Variants in BID observed in about 807,000 individuals in gnomAD.
The protein encoded by BID is BH3 interacting domain death agonist, also known as BH3-interacting domain death agonist.
A neutral mutation model predicts 17.4 loss-of-function variants in BID; 19 were observed. The observed-to-expected ratio is 1.09, with a 90% CI of 0.76 to 1.60. The LOEUF (loss-of-function observed/expected upper bound fraction) is 1.60, where lower values mean the gene tolerates loss of function less well. Among genes scored for constraint, BID ranks in the 40% most tolerant of loss-of-function variants. The pLI, the probability that BID is intolerant of heterozygous loss-of-function variation, is 0.00. For missense variants in BID, 226 were observed against 256.0 expected (o/e 0.88, Z 0.80); for synonymous variants, 108 against 102.8 (o/e 1.05, Z -0.31).
intron 1 of BID, among the ~76,000 whole-genome samples, chr22:17,772,367 G>A (rs1013005205): frequency 6.6e-6 from 1 of 152,230 alleles, no homozygotes; most frequent in Non-Finnish European, 1.5e-5. Context: ...TGCTCTCGGG[G>A]ACACTCCAGG....
At chr22:17,747,963 C>T (rs2061505958) in intron 2 of BID, among the ~76,000 whole-genome samples, 1 of 152,108 alleles carries the variant, frequency 6.6e-6, no homozygotes, top group Non-Finnish European at 1.5e-5. Context: ...GCAATCCCAG[C>T]ACTATGGGAG....
At position 17,773,427 on chromosome 22, in the gene BID, C is replaced by A. The variant is rs1480910893; in HGVS notation, c.-59+954G>T. The stretch of plus-strand genomic sequence containing the variant: ...GAGATGGAATGTGGAAAAACCGCAT[C>A]CTCTGCAGCTCCCCCACAGTGAGAG... On this transcript the variant is annotated intron_variant, in intron 1 of 5. Transcript: ENST00000622694. This position sits in a 1 kb window ranked among gnomAD's most constrained non-coding sequence, Gnocchi z 4.4. 6.6e-6 allele frequency among the ~76,000 whole-genome samples: 1 copy of A among 152,154 alleles called. No individual in the cohort carries two copies. The highest frequency in any genetic ancestry group is 1.9e-4 in the East Asian group (1 of 5,172).
At chr22:17,752,880 T>C (rs1274202440) in intron 1 of BID, among the ~76,000 whole-genome samples, 2 of 151,536 alleles carry the variant, frequency 1.3e-5, no homozygotes, top group Non-Finnish European at 2.9e-5. Flanking sequence ...TTAGCCAGGA[T>C]GGTCTGGATC....
Position 17,738,077 on chromosome 22 carries a change from G to A in BID, c.516C>T (p.His172=), listed in dbSNP as rs753402580. 3.1e-6 allele frequency: 5 copies of A among 1,614,082 alleles called. No individual in the cohort carries two copies. The Admixed American group carries it at 6.7e-5, about 22-fold the overall frequency. ...TCTGGTTAATAAAATTCACTGTTGT[G>A]TGAAAGACATCACGGAGCAAGGACG... The part of the protein sequence containing the change: ...HTPSLLRDVF[H]TTVNFINQNL... Residue 172 remains histidine (H), a synonymous_variant, in exon 5 of 6, where the codon CAC becomes CAT. Transcript: ENST00000622694.
intron 5 of BID, among the ~76,000 whole-genome samples, chr22:17,737,236 C>A (rs1033351262): frequency 6.6e-6 from 1 of 152,228 alleles, no homozygotes; most frequent in Non-Finnish European, 1.5e-5. Context: ...AGGCTTGAGC[C>A]ACCATGCCCA....
chr22:17,746,295 G>A (rs963641089), intron 2 of BID, among the ~76,000 whole-genome samples: 3 of 152,122 alleles, frequency 2.0e-5, no homozygotes, highest in Non-Finnish European at 4.4e-5. Context: ...CCCCACCAGT[G>A]CACAATATTC....
chr22:17,773,579 C>T lies in BID; in HGVS notation c.-59+802G>A, dbSNP rs779049116. On this transcript the variant is annotated intron_variant, in intron 1 of 5. Coordinates refer to ENST00000622694, the MANE Select transcript of BID (RefSeq NM_001196.4). The surrounding 1 kb of genome is among the most constrained non-coding windows in gnomAD (Gnocchi z 4.4). ...TGCCTGCAGGTGAAGGCCGGTCCAG[C>T]CGCAGAAGGCCCAGCCCCCAGCCCA... 1.1e-5 allele frequency: 17 copies of T among 1,611,074 alleles called. No homozygotes were observed. Among genetic ancestry groups the T allele is most frequent in the Non-Finnish European group, 1.4e-5 (17 of 1,179,348 alleles).
At position 17,769,555 on chromosome 22, in the gene BID, G is replaced by T. The variant is rs527639126; in HGVS notation, c.-59+4826C>A. Among the ~76,000 whole-genome samples the T allele has an allele frequency of 6.6e-6, 1 of 152,370 alleles. No homozygotes were observed. Among genetic ancestry groups the T allele is most frequent in the East Asian group, 1.9e-4 (1 of 5,190 alleles). On this transcript the variant is annotated intron_variant, in intron 1 of 5. Transcript: ENST00000622694. The surrounding 1 kb of genome is among the most constrained non-coding windows in gnomAD (Gnocchi z 4.8). Reference sequence around the variant, plus strand: ...CCACAGAGAAGCACCCTGAGGCTGTGCTGTCATCCAGAGTGCCACCCCGCT... The same window carrying T: ...CCACAGAGAAGCACCCTGAGGCTGTTCTGTCATCCAGAGTGCCACCCCGCT...
At chr22:17,739,905 C>A in intron 3 of BID, 1 of 700,680 alleles carries the variant, frequency 1.4e-6, no homozygotes, top group Non-Finnish European at 2.4e-6. Context: ...CCACTTTTGC[C>A]CTCTCAAGCC....
intron 1 of BID, among the ~76,000 whole-genome samples, chr22:17,761,231 G>A (rs1321122378): frequency 6.6e-6 from 1 of 152,132 alleles, no homozygotes; most frequent in Non-Finnish European, 1.5e-5. Flanking sequence ...GCAGGCTCGC[G>A]GGTGTCTGAG....
chr22:17,755,946 C>G (rs2061579651), intron 1 of BID, among the ~76,000 whole-genome samples: 1 of 152,158 alleles, frequency 6.6e-6, no homozygotes, highest in South Asian at 2.1e-4. Context: ...CGGCTCACTG[C>G]AACCTCTGCC....
intron 2 of BID, among the ~76,000 whole-genome samples, chr22:17,747,540 G>A (rs892384705): frequency 2.0e-4 from 31 of 151,850 alleles, no homozygotes; most frequent in Admixed American, 1.4e-3. Flanking sequence ...AGGCTGGTCT[G>A]GAGCTCTTGA....
In BID at chr22:17,734,482, A is replaced by ATAGCT. The variant is rs990608181; in HGVS notation, c.*1093_*1097dup. 14 of 152,224 alleles carry ATAGCT rather than the reference A, an allele frequency of 9.2e-5. No homozygotes were observed. Among genetic ancestry groups the ATAGCT allele is most frequent in the African/African-American group, 3.4e-4 (14 of 41,462 alleles). The allele number at this position is 152,224 out of a possible 1,614,324, so 9.4% of individuals were successfully genotyped here. A position where few individuals can be genotyped will look rare whatever the true frequency, so the allele number is the denominator to read the frequency against. Reference sequence around the variant, plus strand: ...GTGCTTTTAAACTGATTCCTGGGACATAGCTTACCACTGGAACAGCAGACC... The same window carrying ATAGCT: ...GTGCTTTTAAACTGATTCCTGGGACATAGCTTAGCTTACCACTGGAACAGCAGACC... On this transcript the variant is annotated 3_prime_UTR_variant, in exon 6 of 6. Transcript: ENST00000622694.
chr22:17,746,418 A>C (rs1423895911), intron 2 of BID, among the ~76,000 whole-genome samples: 1 of 152,218 alleles, frequency 6.6e-6, no homozygotes, highest in Non-Finnish European at 1.5e-5. Context: ...AGAGAGGAAA[A>C]ACTGTATGCA....
intron 5 of BID, among the ~76,000 whole-genome samples, chr22:17,735,916 C>T (rs1265084304): frequency 6.6e-6 from 1 of 152,200 alleles, no homozygotes; most frequent in East Asian, 1.9e-4. Context: ...GTCTTGCCCA[C>T]CCTTTCCCCC....
At position 17,740,452 on chromosome 22, in the gene BID, C is replaced by T. The variant is rs566790171; in HGVS notation, c.224-964G>A. Reference sequence around the variant, plus strand: ...AGAAACTTTTTTTTTTTTTTTGAGACGGAGTCTTGCTCTGTCACCCAGGCT... The same window carrying T: ...AGAAACTTTTTTTTTTTTTTTGAGATGGAGTCTTGCTCTGTCACCCAGGCT... On this transcript the variant is annotated intron_variant, in intron 3 of 5. Coordinates refer to ENST00000622694, the MANE Select transcript of BID (RefSeq NM_001196.4). The T allele has an allele frequency of 1.2e-4, 40 of 346,922 alleles. No homozygotes were observed. In the East Asian group the frequency reaches 1.8e-3, roughly 16 times the overall value. The allele number at this position is 346,922 out of a possible 1,614,324, so 21.5% of individuals were successfully genotyped here.
chr22:17,737,926 C>A (rs759999561), intron 5 of BID, 91 bp downstream of exon 5: 2 of 1,359,924 alleles, frequency 1.5e-6, no homozygotes, highest in African/African-American at 2.9e-5. Context: ...GTGCTGGCAT[C>A]AGAGGCAGGG....
rs762470911 is a variant in BID, at chr22:17,739,356, G to A, written c.356C>T (p.Ser119Leu). ...CCTCAGGCCCTCACTCACCTCCTCC[G>A]ACCGGCTGGTGTTCCTGAGCTGCAG... is the stretch of plus-strand genomic sequence containing the variant. ...LALQLRNTSR[S>L]EEDRNRDLAT... The change falls in exon 4 of 6, where the codon TCG becomes TTG. Residue 119 changes from serine to leucine, a missense_variant. Physicochemically the swap from Ser to Leu is moderately radical, Grantham distance 145. Coordinates refer to ENST00000622694, the MANE Select transcript of BID (RefSeq NM_001196.4). 8 of 1,593,122 alleles carry A rather than the reference G, an allele frequency of 5.0e-6. No individual in the cohort carries two copies. The highest frequency in any genetic ancestry group is 1.7e-4 in the Middle Eastern group (1 of 5,960).
At chr22:17,763,592 G>T (rs1041503703) in intron 1 of BID, among the ~76,000 whole-genome samples, 1 of 152,014 alleles carries the variant, frequency 6.6e-6, no homozygotes, top group African/African-American at 2.4e-5. Context: ...ACAGAGAACC[G>T]CAGGCTGACA....
Sources: allele counts gnomAD v4.1 joint callset (sites outside exome capture counted in the v4.1 genomes callset), GRCh38; gene constraint gnomAD v4.1.1; non-coding constraint Gnocchi (gnomAD v3.1); transcripts MANE v1.5; gene names NCBI Gene and HGNC (gene_info 2026-07-23, HGNC 2026-07-21).